The following SIPA1L3 variants were observed in gnomAD, a reference collection of about 807,000 sequenced individuals.
The protein encoded by SIPA1L3 is signal-induced proliferation-associated 1-like protein 3.
SIPA1L3 carries 59 observed loss-of-function variants against 150.1 expected under a neutral mutation model. That is an observed-to-expected ratio of 0.39 (90% CI 0.32 to 0.49). SIPA1L3 has a LOEUF of 0.49. SIPA1L3 is among the 20% of genes least tolerant of loss of function. SIPA1L3 has a pLI of 0.86. For synonymous variants in SIPA1L3, 1,070 were observed against 1,077.6 expected, an observed-to-expected ratio of 0.99 and a Z score of 0.14; for missense variants, 2,211 against 2,489.5, an observed-to-expected ratio of 0.89 and a Z score of 2.38.
At chr19:38,118,217 C>T (rs1385245482) in intron 8 of SIPA1L3, among the ~76,000 whole-genome samples, 1 of 152,072 alleles carries the variant, frequency 6.6e-6, no homozygotes, top group African/African-American at 2.4e-5. Context: ...TATAACAAAC[C>T]ACCCAAGGGC....
At chr19:38,167,082 A>C (rs1337452891) in intron 15 of SIPA1L3, among the ~76,000 whole-genome samples, 3 of 151,914 alleles carry the variant, frequency 2.0e-5, no homozygotes, top group Non-Finnish European at 4.4e-5. Context: ...AAAATACAAA[A>C]ATTAGCTGGG....
chr19:38,033,497 G>A (rs918162745), intron 2 of SIPA1L3, among the ~76,000 whole-genome samples: 3 of 152,088 alleles, frequency 2.0e-5, no homozygotes, highest in African/African-American at 7.2e-5. Context: ...AGACCAGCCT[G>A]GGCAGCAGAG....
chr19:38,052,057 C>T (rs571241254), intron 2 of SIPA1L3, among the ~76,000 whole-genome samples: 96 of 152,296 alleles, frequency 6.3e-4, no homozygotes, highest in African/African-American at 2.2e-3. Context: ...AAACAAATCT[C>T]GAACATTGTA....
intron 1 of SIPA1L3, among the ~76,000 whole-genome samples, chr19:38,008,565 C>G (rs1968020154): frequency 1.3e-5 from 2 of 151,756 alleles, no homozygotes; most frequent in Non-Finnish European, 2.9e-5. Context: ...CTCCCTTTAC[C>G]CCCATTCCTT....
At chr19:38,075,254 C>G (rs552534718) in intron 2 of SIPA1L3, among the ~76,000 whole-genome samples, 3 of 149,618 alleles carry the variant, frequency 2.0e-5, no homozygotes, top group Non-Finnish European at 4.5e-5. Flanking sequence ...GTTGGGAGTT[C>G]GAGACCAGCC....
chr19:38,153,010 T>C (rs1422288089), intron 13 of SIPA1L3, 43 bp downstream of exon 13: 3 of 1,593,890 alleles, frequency 1.9e-6, no homozygotes, highest in Non-Finnish European at 2.6e-6. Context: ...CCTGCCTCAC[T>C]CCGCAGGACC....
intron 15 of SIPA1L3, 126 bp from the exon 16 acceptor site, chr19:38,182,393 A>G (rs1305863724): frequency 1.4e-6 from 1 of 725,858 alleles, no homozygotes; most frequent in Admixed American, 2.4e-5. Flanking sequence ...CCACAGCGGT[A>G]ATATATTTGT....
chr19:37,982,743 G>A (rs1287631281), intron 1 of SIPA1L3, among the ~76,000 whole-genome samples: 3 of 152,184 alleles, frequency 2.0e-5, no homozygotes, highest in Non-Finnish European at 4.4e-5. Flanking sequence ...GTGGCTTATG[G>A]CTCTCCCAGT....
chr19:38,178,529 G>A (rs1972493001), intron 15 of SIPA1L3, among the ~76,000 whole-genome samples: 2 of 152,138 alleles, frequency 1.3e-5, no homozygotes, highest in South Asian at 4.1e-4. Context: ...AGGCTGGAGT[G>A]CAATGGTGCG....
intron 1 of SIPA1L3, among the ~76,000 whole-genome samples, chr19:37,917,513 A>T (rs953498929): frequency 1.3e-5 from 2 of 152,120 alleles, no homozygotes; most frequent in Non-Finnish European, 2.9e-5. Context: ...AGTTATTCCC[A>T]TTTCACAGAT....
chr19:38,106,397 AG>A, intron 6 of SIPA1L3, 139 bp from the exon 7 acceptor site: 1 of 691,246 alleles, frequency 1.4e-6, no homozygotes, highest in South Asian at 1.5e-5. Flanking sequence ...GTGAACCACC[AG>A]GCCTGGCCAG....
chr19:37,917,299 C>T (rs2145476731), intron 1 of SIPA1L3, among the ~76,000 whole-genome samples: 1 of 152,246 alleles, frequency 6.6e-6, no homozygotes, highest in Non-Finnish European at 1.5e-5. Flanking sequence ...ACGTGTAAAT[C>T]AAAGGTGGTA....
At position 38,193,735 on chromosome 19, in the gene SIPA1L3, C is replaced by G. The variant is rs778147632; in HGVS notation, c.4795C>G (p.Pro1599Ala). Residue 1599 changes from proline to alanine, a missense_variant, in exon 18 of 22, where the codon CCC (proline) becomes GCC (alanine). Around this residue, in one of 5 missense-constraint regions of SIPA1L3, gnomAD observed 806 missense variants for 870.1 expected, o/e 0.93. Transcript: ENST00000222345. ...CCAGCACCCCCACCCGCCCGTCGGCCCCGGTGCCACCCCTGCCGCCGGCAG... is the reference window on the plus strand; with the variant it reads ...CCAGCACCCCCACCCGCCCGTCGGCGCCGGTGCCACCCCTGCCGCCGGCAG... ...QHQHPHPPVG[P>A]GATPAAGSGF... is the part of the protein sequence containing the mutation. 1 of 1,570,612 alleles carries G rather than the reference C, an allele frequency of 6.4e-7. No individual in the cohort carries two copies. Among genetic ancestry groups the G allele is most frequent in the Non-Finnish European group, 8.6e-7 (1 of 1,167,298 alleles).
At chr19:38,123,690 C>T (rs1369570682) in intron 9 of SIPA1L3, among the ~76,000 whole-genome samples, 3 of 152,132 alleles carry the variant, frequency 2.0e-5, no homozygotes, top group Non-Finnish European at 4.4e-5. Context: ...GGCAACCATC[C>T]GATTTCTCAA....
chr19:38,139,479 A>T (rs769610486), intron 10 of SIPA1L3, among the ~76,000 whole-genome samples: 2 of 151,680 alleles, frequency 1.3e-5, no homozygotes, highest in African/African-American at 2.4e-5. Flanking sequence ...ACCTTTCCCC[A>T]CCTCTGCCCG....
At chr19:38,197,909 C>T (rs199639301) in intron 18 of SIPA1L3, among the ~76,000 whole-genome samples, 2 of 146,508 alleles carry the variant, frequency 1.4e-5, no homozygotes, top group East Asian at 4.0e-4. Flanking sequence ...CCCACATGCA[C>T]CCAGAGGGAG....
In SIPA1L3 at chr19:37,995,004, T is replaced by C. The variant is rs1221680379; in HGVS notation, c.-378-34085T>C. Reference sequence around the variant, plus strand: ...GGTGGGGTTGGTCATTGTGTGGTCATGGGATGGCTGCCCCAGCCTGAGGAT... The same window carrying C: ...GGTGGGGTTGGTCATTGTGTGGTCACGGGATGGCTGCCCCAGCCTGAGGAT... On this transcript the variant is annotated intron_variant, in intron 1 of 21. Transcript: ENST00000222345. Among the ~76,000 whole-genome samples, 21 of 152,164 alleles carry C rather than the reference T, an allele frequency of 1.4e-4. 1 individual carries two copies. The highest frequency in any genetic ancestry group is 1.1e-3 in the Admixed American group (17 of 15,280).
chr19:37,942,107 A>T (rs140838772), intron 1 of SIPA1L3, among the ~76,000 whole-genome samples: 1 of 152,246 alleles, frequency 6.6e-6, no homozygotes, highest in East Asian at 1.9e-4. Context: ...TCCATTGTTA[A>T]CTTCTTCATT....
At chr19:38,054,205 G>T (rs113211391) in intron 2 of SIPA1L3, among the ~76,000 whole-genome samples, 2 of 152,050 alleles carry the variant, frequency 1.3e-5, no homozygotes, top group Non-Finnish European at 1.5e-5. Context: ...CTAGCCAGGC[G>T]TAGTGGCACA....
Sources: gnomAD v4.1 joint callset for allele counts (sites outside exome capture counted in the v4.1 genomes callset) on GRCh38, gnomAD v4.1.1 for gene constraint, gnomAD v4.1.1 regional missense constraint, MANE v1.5 for transcripts, NCBI Gene and HGNC (gene_info 2026-07-23, HGNC 2026-07-21) for gene names.